Variants in WDFY4 observed in about 807,000 individuals in gnomAD.
The protein encoded by WDFY4 is WDFY family member 4.
WDFY4 carries 169 observed loss-of-function variants against 351.9 expected under a neutral mutation model. The ratio of observed to expected loss-of-function variants is 0.48; its 90% CI spans 0.42 to 0.55. The LOEUF is 0.55. Among genes scored for constraint, WDFY4 ranks in the 20% least tolerant of loss-of-function variants. WDFY4 has a pLI of 0.00. For synonymous variants in WDFY4, 1,622 were observed against 1,574.6 expected (o/e 1.03, Z -0.71); for missense variants, 3,803 against 3,935.6 (o/e 0.97, Z 0.90).
rs1174791117 is a variant in WDFY4 at position 48,832,607 on chromosome 10, T to C, written c.6561T>C (p.Asn2187=). The change falls in exon 39 of 62, where the codon AAT becomes AAC. Residue 2187 remains asparagine (N), a synonymous_variant. Transcript: ENST00000325239. ...SEKKSLASRS[N]VAHHSKVTLW... ...AGAAGTCACTGGCAAGTCGTTCAAATGTTGCACACCACAGCAAAGTCACTT... is the reference window on the plus strand; with the variant it reads ...AGAAGTCACTGGCAAGTCGTTCAAACGTTGCACACCACAGCAAAGTCACTT... 6.5e-7 allele frequency: 1 copy of C among 1,549,754 alleles called. No individual in the cohort carries two copies. The highest frequency in any genetic ancestry group is 1.2e-5 in the South Asian group (1 of 83,376).
chr10:48,786,560 T>A, intron 19 of WDFY4, 79 bp from the exon 20 acceptor site: 2 of 1,064,068 alleles, frequency 1.9e-6, no homozygotes, highest in Non-Finnish European at 2.7e-6. Context: ...ATAAGATGCA[T>A]CATGTTATAT....
chr10:48,928,515 C>A (rs529719752), intron 47 of WDFY4, among the ~76,000 whole-genome samples: 1 of 152,116 alleles, frequency 6.6e-6, no homozygotes, highest in East Asian at 1.9e-4. Flanking sequence ...TGCAGCCTAG[C>A]GTCCTTATGG....
intron 1 of WDFY4, among the ~76,000 whole-genome samples, chr10:48,693,306 A>C (rs893024691): frequency 2.0e-5 from 3 of 152,094 alleles, no homozygotes; most frequent in African/African-American, 7.2e-5. Flanking sequence ...GAGACTTGCT[A>C]TGGTGCAGCC....
At chr10:48,758,213 GTATTTT>G (rs1342229792) in intron 12 of WDFY4, among the ~76,000 whole-genome samples, 1 of 152,094 alleles carries the variant, frequency 6.6e-6, no homozygotes, top group Admixed American at 6.6e-5. Context: ...AATTCTGTGT[GTATTTT>G]TGTAGCACTT....
intron 47 of WDFY4, chr10:48,911,042 CAT>C (rs975048060): frequency 2.5e-4 from 81 of 319,008 alleles, no homozygotes; most frequent in African/African-American, 1.8e-3. Context: ...CTGTCTCAAT[CAT>C]ATGTCTCTGC....
At chr10:48,784,956 C>T (rs1279117426) in intron 19 of WDFY4, among the ~76,000 whole-genome samples, 1 of 147,932 alleles carries the variant, frequency 6.8e-6, no homozygotes. Context: ...CTCCTGGGTT[C>T]GCGCCATTCT....
chr10:48,973,805 C>T (rs901242149), intron 57 of WDFY4, among the ~76,000 whole-genome samples: 2 of 152,210 alleles, frequency 1.3e-5, no homozygotes, highest in African/African-American at 4.8e-5. Context: ...CAGATCTGGA[C>T]ACACAGCCAT....
intron 1 of WDFY4, among the ~76,000 whole-genome samples, chr10:48,686,176 G>A (rs1235722622): frequency 4.6e-5 from 7 of 152,120 alleles, no homozygotes; most frequent in African/African-American, 1.7e-4. Context: ...AAGATTTTCT[G>A]TGTTGAAAGA....
chr10:48,854,144 C>G (rs151269733), intron 39 of WDFY4, among the ~76,000 whole-genome samples: 1 of 146,078 alleles, frequency 6.8e-6, no homozygotes, highest in African/African-American at 2.6e-5. Flanking sequence ...AGGTCTGGCT[C>G]TATTGCCCAG....
At chr10:48,807,460 A>C (rs1345609731) in intron 27 of WDFY4, among the ~76,000 whole-genome samples, 1 of 152,366 alleles carries the variant, frequency 6.6e-6, no homozygotes, top group South Asian at 2.1e-4. Flanking sequence ...AGTTGAAAGC[A>C]GGAACAAAGA....
In WDFY4 at chr10:48,719,915, T is replaced by A. The variant is rs2064024866; in HGVS notation, c.235-96T>A. The A allele has an allele frequency of 2.7e-6, 3 of 1,113,620 alleles. No homozygotes were observed. The South Asian group carries it at 4.3e-5, about 16-fold the overall frequency. The allele number at this position is 1,113,620 out of a possible 1,614,324, so 69.0% of individuals were successfully genotyped here. On this transcript the variant is annotated intron_variant, in intron 2 of 61. Coordinates refer to ENST00000325239, the MANE Select transcript of WDFY4 (RefSeq NM_001394531.1). ...ATGCACCTGGGAAAGGAAGTCGAGC[T>A]GTCAGCTTGGGCTGGTGAAGGGTGG...
rs116736303 is a variant in WDFY4 at position 48,838,280 on chromosome 10, A to G, written c.6663+5571A>G. On this transcript the variant is annotated intron_variant, in intron 39 of 61. Coordinates refer to ENST00000325239, the MANE Select transcript of WDFY4 (RefSeq NM_001394531.1). ...TAAAGGCTGCCCTATGAGACCTCCA[A>G]TGAAACCAGCAGTGCCCACCATTGG... 4.8e-3 allele frequency among the ~76,000 whole-genome samples: 729 copies of G among 152,294 alleles called. 2 individuals are homozygous for G. Among genetic ancestry groups the G allele is most frequent in the Middle Eastern group, 0.017 (5 of 294 alleles).
At chr10:48,912,804 T>G (rs1838127618) in intron 47 of WDFY4, among the ~76,000 whole-genome samples, 1 of 152,228 alleles carries the variant, frequency 6.6e-6, no homozygotes, top group Non-Finnish European at 1.5e-5. Context: ...GAGCAAGTTA[T>G]GCAAGCTCAG....
At chr10:48,721,189 A>T in intron 3 of WDFY4, 72 bp from the exon 4 acceptor site, 2 of 1,416,698 alleles carry the variant, frequency 1.4e-6, no homozygotes, top group Non-Finnish European at 9.8e-7. Context: ...TCCTGGGAAG[A>T]GGGGGCCCTG....
intron 44 of WDFY4, among the ~76,000 whole-genome samples, chr10:48,892,682 A>G (rs529849453): frequency 1.3e-5 from 2 of 152,362 alleles, no homozygotes; most frequent in South Asian, 4.1e-4. Context: ...TTAAAAATAA[A>G]GCTAAGTCAA....
At chr10:48,808,751 G>A (rs2067340562) in intron 28 of WDFY4, among the ~76,000 whole-genome samples, 1 of 152,190 alleles carries the variant, frequency 6.6e-6, no homozygotes, top group South Asian at 2.1e-4. Context: ...TTGGAAATGA[G>A]ATAGTCCAGC....
chr10:48,694,635 AC>A (rs2063283476), intron 1 of WDFY4, among the ~76,000 whole-genome samples: 1 of 152,042 alleles, frequency 6.6e-6, no homozygotes, highest in Non-Finnish European at 1.5e-5. Flanking sequence ...TGAGACAAGC[AC>A]CATGTCCATG....
chr10:48,882,118 C>T (rs2070275595), intron 43 of WDFY4, among the ~76,000 whole-genome samples: 1 of 152,152 alleles, frequency 6.6e-6, no homozygotes, highest in African/African-American at 2.4e-5. Flanking sequence ...TCCAGGGGAG[C>T]CAACCTGCAG....
intron 40 of WDFY4, among the ~76,000 whole-genome samples, chr10:48,869,060 G>T (rs1327271929): frequency 6.6e-6 from 1 of 152,200 alleles, no homozygotes; most frequent in African/African-American, 2.4e-5. Context: ...AATCCACAAG[G>T]ATACTTTCCA....
Sources: gnomAD v4.1 joint callset for allele counts (sites outside exome capture counted in the v4.1 genomes callset) on GRCh38, gnomAD v4.1.1 for gene constraint, MANE v1.5 for transcripts, NCBI Gene and HGNC (gene_info 2026-07-23, HGNC 2026-07-21) for gene names.